Variants in CACUL1 observed in about 807,000 individuals in gnomAD.
CACUL1 encodes the protein CDK2 associated cullin domain 1.
A neutral mutation model predicts 45.2 loss-of-function variants in CACUL1; 13 were observed. The ratio of observed to expected loss-of-function variants is 0.29; its 90% CI spans 0.19 to 0.46. CACUL1 has a LOEUF of 0.46. Ranked by LOEUF, CACUL1 falls within the 20% of genes least tolerant of loss-of-function variation. The pLI is 1.00. For missense variants in CACUL1, 421 were observed against 471.4 expected, an observed-to-expected ratio of 0.89 and a Z score of 0.99; for synonymous variants, 197 against 174.2, an observed-to-expected ratio of 1.13 and a Z score of -1.03.
intron 6 of CACUL1, chr10:118,693,887 T>C: frequency 2.6e-6 from 1 of 377,496 alleles, no homozygotes; most frequent in Non-Finnish European, 5.2e-6. Context: ...TTGAATACTC[T>C]AGATGTCATT....
chr10:118,745,192 C>T (rs561929131), intron 1 of CACUL1, among the ~76,000 whole-genome samples: 129 of 152,126 alleles, frequency 8.5e-4, no homozygotes, highest in South Asian at 6.4e-3. Flanking sequence ...AGAGTAACCC[C>T]CAAAGAGCAA....
rs897942527 is a variant in CACUL1, at chr10:118,679,809, A to G, written c.*6319T>C. 3 of 151,830 alleles carry G rather than the reference A, an allele frequency of 2.0e-5. No homozygotes were observed. Among genetic ancestry groups the G allele is most frequent in the Admixed American group, 6.6e-5 (1 of 15,228 alleles). The allele number at this position is 151,830 out of a possible 1,614,324, so 9.4% of individuals were successfully genotyped here. A position where few individuals can be genotyped will look rare whatever the true frequency, so the allele number is the denominator to read the frequency against. On this transcript the variant is annotated 3_prime_UTR_variant, in exon 9 of 9. Coordinates refer to ENST00000369151, the MANE Select transcript of CACUL1 (RefSeq NM_153810.5). ...GCTGGGATTACAGGCGTGAGCCACCATGCTCGGCCCTAATTTAAAAAATTT... is the reference window on the plus strand; with the variant it reads ...GCTGGGATTACAGGCGTGAGCCACCGTGCTCGGCCCTAATTTAAAAAATTT...
intron 7 of CACUL1, 197 bp from the exon 8 acceptor site, chr10:118,686,838 G>T: frequency 1.8e-6 from 1 of 558,390 alleles, no homozygotes; most frequent in South Asian, 2.5e-5. Flanking sequence ...GCCTTTACCT[G>T]TATTAACCAG....
chr10:118,716,938 C>T (rs955352062), intron 3 of CACUL1, among the ~76,000 whole-genome samples: 7 of 152,150 alleles, frequency 4.6e-5, no homozygotes, highest in African/African-American at 1.4e-4. Flanking sequence ...ACACTGCACT[C>T]CCTGCTTAAG....
intron 5 of CACUL1, among the ~76,000 whole-genome samples, chr10:118,699,505 G>A (rs890946415): frequency 6.6e-5 from 10 of 152,030 alleles, no homozygotes; most frequent in South Asian, 2.1e-4. Context: ...AAACTAGACC[G>A]GCTTTTTCTA....
At chr10:118,699,517 C>G (rs1006702819) in intron 5 of CACUL1, among the ~76,000 whole-genome samples, 1 of 152,106 alleles carries the variant, frequency 6.6e-6, no homozygotes, top group African/African-American at 2.4e-5. Flanking sequence ...CTTTTTCTAC[C>G]AAATGGTAGC....
intron 3 of CACUL1, among the ~76,000 whole-genome samples, chr10:118,710,122 T>A (rs1845470693): frequency 6.6e-6 from 1 of 151,782 alleles, no homozygotes; most frequent in African/African-American, 2.4e-5. Flanking sequence ...AATGGGGTCT[T>A]GCTATATTGC....
chr10:118,686,675 C>G (rs770493463), intron 7 of CACUL1, 34 bp from the exon 8 acceptor site: 3 of 1,526,274 alleles, frequency 2.0e-6, no homozygotes, highest in Non-Finnish European at 2.7e-6. Context: ...ACAAAACTGA[C>G]TTCACATCAA....
At position 118,754,480 on chromosome 10, in the gene CACUL1, C is replaced by A; in HGVS notation, c.283G>T (p.Asp95Tyr). The A allele has an allele frequency of 2.5e-6, 4 of 1,611,658 alleles. No homozygotes were observed. Among genetic ancestry groups the A allele is most frequent in the Non-Finnish European group, 3.4e-6 (4 of 1,179,048 alleles). ...NGVIMMLKSC[D>Y]AAAAVAKAAP... ...GCCTTGGCCACGGCGGCGGCCGCGT[C>A]GCAGCTCTTCAACATCATGATCACC... Residue 95 changes from aspartate to tyrosine, a missense_variant, in exon 1 of 9, where the codon GAC becomes TAC. By Grantham distance (160) the Asp-to-Tyr change is radical (BLOSUM62 -3). Transcript: ENST00000369151.
At chr10:118,718,761 G>C (rs1406270567) in intron 3 of CACUL1, among the ~76,000 whole-genome samples, 3 of 152,148 alleles carry the variant, frequency 2.0e-5, no homozygotes, top group African/African-American at 7.2e-5. Context: ...TTTTAGTAGA[G>C]ACGGGTTTTC....
chr10:118,736,796 C>T (rs114366346), intron 1 of CACUL1, among the ~76,000 whole-genome samples: 328 of 152,260 alleles, frequency 2.2e-3, no homozygotes, highest in African/African-American at 7.4e-3. Context: ...GCCCTATACA[C>T]GCATACCATT....
At chr10:118,711,802 A>G (rs913125522) in intron 3 of CACUL1, among the ~76,000 whole-genome samples, 7 of 152,248 alleles carry the variant, frequency 4.6e-5, no homozygotes, top group Non-Finnish European at 7.3e-5. Context: ...GTAAAAAAGT[A>G]TATTTCATGT....
chr10:118,700,794 T>G (rs1477625540), intron 5 of CACUL1, among the ~76,000 whole-genome samples: 1 of 151,208 alleles, frequency 6.6e-6, no homozygotes, highest in African/African-American at 2.4e-5. Flanking sequence ...CACAGGCACA[T>G]GAAATATTTT....
intron 3 of CACUL1, among the ~76,000 whole-genome samples, chr10:118,713,249 C>G (rs1380528097): frequency 6.6e-6 from 1 of 152,240 alleles, no homozygotes; most frequent in Non-Finnish European, 1.5e-5. Context: ...GTGCCGACAA[C>G]TTGGAGAAGC....
chr10:118,744,428 A>G (rs1845822586), intron 1 of CACUL1, among the ~76,000 whole-genome samples: 1 of 152,172 alleles, frequency 6.6e-6, no homozygotes, highest in South Asian at 2.1e-4. Context: ...AAGATCTGGA[A>G]TAGGTAAACC....
At chr10:118,693,594 TATG>T (rs199702726) in intron 6 of CACUL1, 4,431 of 362,856 alleles carry the variant, frequency 0.012, 44 homozygotes, top group Non-Finnish European at 0.02. Flanking sequence ...TTTTGTTACG[TATG>T]ATAAAAGCCA....
At chr10:118,746,918 C>T (rs1212975100) in intron 1 of CACUL1, among the ~76,000 whole-genome samples, 1 of 152,216 alleles carries the variant, frequency 6.6e-6, no homozygotes, top group Non-Finnish European at 1.5e-5. Flanking sequence ...CCCCAGGCCA[C>T]AGGAACCGGT....
intron 3 of CACUL1, among the ~76,000 whole-genome samples, chr10:118,722,941 G>C (rs1460689854): frequency 6.6e-6 from 1 of 152,154 alleles, no homozygotes; most frequent in Admixed American, 6.5e-5. Context: ...CCTCGTTCTA[G>C]AAATTTCTGC....
At chr10:118,709,958 T>C (rs1845468945) in intron 3 of CACUL1, among the ~76,000 whole-genome samples, 1 of 151,990 alleles carries the variant, frequency 6.6e-6, no homozygotes, top group Non-Finnish European at 1.5e-5. Flanking sequence ...CAGGCTGGAG[T>C]GCAGTACCAT....
Sources: gnomAD v4.1 joint callset for allele counts (sites outside exome capture counted in the v4.1 genomes callset) on GRCh38, gnomAD v4.1.1 for gene constraint, MANE v1.5 for transcripts, NCBI Gene and HGNC (gene_info 2026-07-23, HGNC 2026-07-21) for gene names.